Variants in MTO1 observed in about 807,000 individuals in gnomAD.
MTO1 encodes mitochondrial tRNA translation optimization 1.
Under a neutral mutation model 71.6 loss-of-function variants are expected in MTO1, and 46 were observed. The ratio of observed to expected loss-of-function variants is 0.64; its 90% CI spans 0.51 to 0.82. MTO1 has a LOEUF of 0.82. Among genes scored for constraint, MTO1 ranks in the 40% least tolerant of loss-of-function variants. The probability of loss-of-function intolerance (pLI) is 0.00; values close to 1 mark genes in which losing one functional copy is unlikely to be tolerated. For synonymous variants in MTO1, 297 were observed against 312.1 expected, an observed-to-expected ratio of 0.95 and a Z score of 0.51; for missense variants, 773 against 867.5, an observed-to-expected ratio of 0.89 and a Z score of 1.37.
At position 73,501,020 on chromosome 6, in the gene MTO1, A is replaced by G. The variant is rs1772145665; in HGVS notation, c.*285A>G. 1 of 224,190 alleles carries G rather than the reference A, an allele frequency of 4.5e-6. No individual in the cohort carries two copies. The highest frequency in any genetic ancestry group is 2.3e-5 in the African/African-American group (1 of 44,362). 13.9% of individuals were successfully genotyped at this position (224,190 alleles called of 1,614,324 possible). On this transcript the variant is annotated 3_prime_UTR_variant, in exon 12 of 12. Transcript: ENST00000498286. The stretch of plus-strand genomic sequence containing the variant: ...GTGAACCTAAAACTGAACCTGGAAT[A>G]AAACTCAACATGCAGATTTGCCTAC...
chr6:73,469,001 T>C lies in MTO1; in HGVS notation c.535+2395T>C, dbSNP rs76584535. ...GTATCTAGCGAACTTTGGTTTTCTGTTGACTTCTTTGCGTTTTTGGTTTTG... is the reference window on the plus strand; with the variant it reads ...GTATCTAGCGAACTTTGGTTTTCTGCTGACTTCTTTGCGTTTTTGGTTTTG... On this transcript the variant is annotated intron_variant, in intron 3 of 11. Transcript: ENST00000498286. 4.5e-3 allele frequency among the ~76,000 whole-genome samples: 687 copies of C among 151,790 alleles called. 36 individuals are homozygous for C. The East Asian group carries it at 0.12, about 27-fold the overall frequency.
In MTO1 at chr6:73,492,445, G is replaced by A. The variant is rs1189401681; in HGVS notation, c.1756+93G>A. 6 of 807,654 alleles carry A rather than the reference G, an allele frequency of 7.4e-6. No homozygotes were observed. The Admixed American group carries it at 1.3e-4, about 17-fold the overall frequency. 50.0% of individuals were successfully genotyped at this position (807,654 alleles called of 1,614,324 possible). A position where few individuals can be genotyped will look rare whatever the true frequency, so the allele number is the denominator to read the frequency against. On this transcript the variant is annotated intron_variant, in intron 10 of 11. Transcript: ENST00000498286. ...ATTATTACTGTTGGACCAGCACAGT[G>A]TTAGCTTCTGTGCTTTTCAAAAGTG...
chr6:73,469,641 G>A (rs77612395), intron 3 of MTO1, among the ~76,000 whole-genome samples: 1 of 27,218 alleles, frequency 3.7e-5, no homozygotes, highest in African/African-American at 9.4e-5. Flanking sequence ...TAAATAAGGC[G>A]CTAAAACACT....
Position 73,500,817 on chromosome 6 carries a change from C to A in MTO1, c.*82C>A. 1 of 1,160,396 alleles carries A rather than the reference C, an allele frequency of 8.6e-7. No individual in the cohort carries two copies. The highest frequency in any genetic ancestry group is 1.1e-6 in the Non-Finnish European group (1 of 883,858). The allele number at this position is 1,160,396 out of a possible 1,614,324, so 71.9% of individuals were successfully genotyped here. A position where few individuals can be genotyped will look rare whatever the true frequency, so the allele number is the denominator to read the frequency against. On this transcript the variant is annotated 3_prime_UTR_variant, in exon 12 of 12. Coordinates refer to ENST00000498286, the MANE Select transcript of MTO1 (RefSeq NM_012123.4). The stretch of plus-strand genomic sequence containing the variant: ...GTATAGATAAAAGAATTATTTAGCA[C>A]ATGTTAAAATAGCTTTATTAGGTTA...
intron 9 of MTO1, among the ~76,000 whole-genome samples, chr6:73,489,020 G>A (rs1346349380): frequency 6.6e-6 from 1 of 152,200 alleles, no homozygotes; most frequent in Non-Finnish European, 1.5e-5. Flanking sequence ...CACTGGCAAA[G>A]CTAATGTCAT....
chr6:73,476,156 A>C (rs1471767441), intron 4 of MTO1, among the ~76,000 whole-genome samples: 1 of 151,778 alleles, frequency 6.6e-6, no homozygotes, highest in African/African-American at 2.4e-5. Context: ...TGAGGTCAGG[A>C]GTTCAAGACC....
intron 10 of MTO1, among the ~76,000 whole-genome samples, chr6:73,493,350 A>G (rs1178639566): frequency 7.8e-4 from 36 of 46,424 alleles, no homozygotes; most frequent in South Asian, 2.6e-3. Context: ...TGAAATGTGC[A>G]TGTATGTGTG....
chr6:73,464,760 G>C (rs1465022713), intron 1 of MTO1, among the ~76,000 whole-genome samples: 3 of 150,838 alleles, frequency 2.0e-5, no homozygotes, highest in African/African-American at 2.4e-5. Flanking sequence ...ACTTGAACTC[G>C]GGAGGTGGAG....
rs748364776 is a variant in MTO1, at chr6:73,480,036, CAG to C, written c.1040_1041del (p.Gln347ArgfsTer9). On this transcript the variant is annotated frameshift_variant, in exon 6 of 12. Coordinates refer to ENST00000498286, the MANE Select transcript of MTO1 (RefSeq NM_012123.4). LOFTEE classifies it high-confidence loss of function. ...AATGGATTCTGACCTTATCTACCCA[CAG>C]GGGTTATCTATGACGCTACCAGCTG... ...EGMDSDLIYP[Q>X]GLSMTLPAEL... 2.5e-6 allele frequency: 4 copies of C among 1,614,118 alleles called. No homozygotes were observed. The South Asian group carries it at 4.4e-5, about 18-fold the overall frequency.
At position 73,503,104 on chromosome 6, in the gene MTO1, G is replaced by A. The variant is rs613787; in HGVS notation, c.*2369G>A. ...TTTTAGATTCTATGATTTGCTTTAG[G>A]ATGTGAACTTCTTTATTTTTTAGAG... is the stretch of plus-strand genomic sequence containing the variant. On this transcript the variant is annotated 3_prime_UTR_variant, in exon 12 of 12. Coordinates refer to ENST00000498286, the MANE Select transcript of MTO1 (RefSeq NM_012123.4). The A allele has an allele frequency of 0.59, 89,093 of 151,432 alleles. 27,182 individuals are homozygous for A. Among genetic ancestry groups the A allele is most frequent in the Non-Finnish European group, 0.69 (46,595 of 67,798 alleles). 9.4% of individuals were successfully genotyped at this position (151,432 alleles called of 1,614,324 possible). A position where few individuals can be genotyped will look rare whatever the true frequency, so the allele number is the denominator to read the frequency against.
chr6:73,498,009 G>A, intron 11 of MTO1, 113 bp downstream of exon 11: 1 of 966,452 alleles, frequency 1.0e-6, no homozygotes. Flanking sequence ...TTAGTAATAA[G>A]AAACTTCCAG....
At chr6:73,476,823 C>G (rs1258673755) in intron 4 of MTO1, among the ~76,000 whole-genome samples, 1 of 150,380 alleles carries the variant, frequency 6.6e-6, no homozygotes, top group Non-Finnish European at 1.5e-5. Flanking sequence ...GAGCCTCACA[C>G]TATCCCCCAG....
At chr6:73,483,835 A>G (rs1253644699) in intron 9 of MTO1, among the ~76,000 whole-genome samples, 2 of 146,182 alleles carry the variant, frequency 1.4e-5, no homozygotes, top group Non-Finnish European at 3.0e-5. Context: ...CAGGAGTGCA[A>G]TGGCATGATC....
Position 73,482,090 on chromosome 6 carries a change from C to T in MTO1, c.1311C>T (p.Pro437=), listed in dbSNP as rs763521200. Residue 437 remains proline, a synonymous_variant, in exon 8 of 12, where the codon CCC becomes CCT. Coordinates refer to ENST00000498286, the MANE Select transcript of MTO1 (RefSeq NM_012123.4). ...NASLRVSRKP[P]FVVSRTEGYI... is the part of the protein sequence containing the mutation. ...GTCTTCGGGTCAGTCGCAAGCCTCC[C>T]TTTGTGGTTAGCCGAACAGAAGGTT... The T allele has an allele frequency of 9.3e-6, 15 of 1,614,142 alleles. No homozygotes were observed. Among genetic ancestry groups the T allele is most frequent in the Non-Finnish European group, 1.3e-5 (15 of 1,180,024 alleles).
At chr6:73,480,335 C>G in intron 6 of MTO1, 2 of 700,000 alleles carry the variant, frequency 2.9e-6, no homozygotes, top group South Asian at 3.0e-5. Flanking sequence ...TGCAATGGTG[C>G]GATCTCGGCT....
At chr6:73,468,551 T>G (rs1478986317) in intron 3 of MTO1, among the ~76,000 whole-genome samples, 2 of 152,064 alleles carry the variant, frequency 1.3e-5, no homozygotes, top group Non-Finnish European at 2.9e-5. Flanking sequence ...TGCATGGAAG[T>G]GTATTATGTT....
chr6:73,468,480 ATATAAT>A (rs1374983049), intron 3 of MTO1, among the ~76,000 whole-genome samples: 1 of 151,890 alleles, frequency 6.6e-6, no homozygotes, highest in East Asian at 1.9e-4. Flanking sequence ...TCTCCTTCTG[ATATAAT>A]TATACCGTAA....
Position 73,500,650 on chromosome 6 carries a change from A to G in MTO1, c.1994A>G (p.Gln665Arg). 2 of 1,614,036 alleles carry G rather than the reference A, an allele frequency of 1.2e-6. No homozygotes were observed. Among genetic ancestry groups the G allele is most frequent in the African/African-American group, 1.3e-5 (1 of 75,074 alleles). The change falls in exon 12 of 12, where the codon CAA becomes CGA. Residue 665 changes from glutamine to arginine, a missense_variant. By Grantham distance (43) the Gln-to-Arg change is conservative (BLOSUM62 1). Transcript: ENST00000498286. ...CTGCTGAGATTTGTGAAGACCACTC[A>G]ACGAAGACAGTCGGCTATGAATGAA... is the stretch of plus-strand genomic sequence containing the variant. The part of the protein sequence containing the change: ...INLLRFVKTT[Q>R]RRQSAMNESS...
rs1772207936 is a variant in MTO1, at chr6:73,503,202, G to A, written c.*2467G>A. ...TAGCTCACTGCAGCCTTGATCTCCT[G>A]GGCTCAAGTGATCCTTATGCCTCAG... On this transcript the variant is annotated 3_prime_UTR_variant, in exon 12 of 12. Coordinates refer to ENST00000498286, the MANE Select transcript of MTO1 (RefSeq NM_012123.4). The A allele has an allele frequency of 6.6e-6, 1 of 152,094 alleles. No individual in the cohort carries two copies. The highest frequency in any genetic ancestry group is 1.5e-5 in the Non-Finnish European group (1 of 68,052). The allele number at this position is 152,094 out of a possible 1,614,324, so 9.4% of individuals were successfully genotyped here. A position where few individuals can be genotyped will look rare whatever the true frequency, so the allele number is the denominator to read the frequency against.
Sources: gnomAD v4.1 joint callset for allele counts (sites outside exome capture counted in the v4.1 genomes callset) on GRCh38, gnomAD v4.1.1 for gene constraint, MANE v1.5 for transcripts, NCBI Gene and HGNC (gene_info 2026-07-23, HGNC 2026-07-21) for gene names.